IFIH1: variants seen among roughly 807,000 people sequenced by gnomAD.
IFIH1 encodes the protein interferon-induced helicase C domain-containing protein 1.
In IFIH1, 125 loss-of-function variants were observed where a neutral mutation model predicts 107.4. The ratio of observed to expected loss-of-function variants is 1.16; its 90% CI spans 1.01 to 1.35. The LOEUF (loss-of-function observed/expected upper bound fraction) is 1.35, where lower values mean the gene tolerates loss of function less well. Among genes scored for constraint, IFIH1 ranks in the 40% most tolerant of loss-of-function variants. The pLI, the probability that IFIH1 is intolerant of heterozygous loss-of-function variation, is 0.00. For synonymous variants in IFIH1, 458 were observed against 413.2 expected (o/e 1.11, Z -1.31); for missense variants, 1,333 against 1,213.7 (o/e 1.10, Z -1.46).
At chr2:162,286,518 G>A (rs1395942567) in intron 5 of IFIH1, among the ~76,000 whole-genome samples, 1 of 151,886 alleles carries the variant, frequency 6.6e-6, no homozygotes, top group East Asian at 1.9e-4. Flanking sequence ...GACCAGATAA[G>A]GGAAATAAAG....
chr2:162,300,333 AC>A (rs1256956182), intron 3 of IFIH1, among the ~76,000 whole-genome samples: 1 of 152,234 alleles, frequency 6.6e-6, no homozygotes, highest in Non-Finnish European at 1.5e-5. Context: ...TGCTAAAAAA[AC>A]AGCTTTATGT....
Position 162,277,587 on chromosome 2 carries a change from A to G in IFIH1, c.1872T>C (p.Thr624=), listed in dbSNP as rs762422699. Residue 624 remains threonine (T), a synonymous_variant, in exon 10 of 16, where the codon ACT becomes ACC. Transcript: ENST00000649979. The stretch of plus-strand genomic sequence containing the variant: ...CTTCATTATAGAAAGTTTCAAGATG[A>G]GTATACGCATCTATCATTCGAATTG... ...NDTIRMIDAY[T]HLETFYNEEK... The G allele has an allele frequency of 6.2e-6, 10 of 1,609,718 alleles. No homozygotes were observed. The highest frequency in any genetic ancestry group is 8.5e-6 in the Non-Finnish European group (10 of 1,176,132).
intron 1 of IFIH1, among the ~76,000 whole-genome samples, chr2:162,316,112 C>T (rs911630395): frequency 6.6e-6 from 1 of 152,122 alleles, no homozygotes; most frequent in South Asian, 2.1e-4. Flanking sequence ...ATCTAGCTGG[C>T]GGAAATTCAA....
At chr2:162,291,501 A>C (rs993778474) in intron 4 of IFIH1, among the ~76,000 whole-genome samples, 5 of 151,810 alleles carry the variant, frequency 3.3e-5, no homozygotes, top group Admixed American at 2.6e-4. Context: ...GAAACAGAAA[A>C]AAAAAAGCCT....
chr2:162,300,354 T>C (rs544455038), intron 3 of IFIH1, among the ~76,000 whole-genome samples: 1 of 152,280 alleles, frequency 6.6e-6, no homozygotes, highest in Non-Finnish European at 1.5e-5. Flanking sequence ...TTTGTAGTCA[T>C]AAACAGATAT....
chr2:162,301,256 T>C (rs566688860), intron 3 of IFIH1, among the ~76,000 whole-genome samples: 4 of 152,152 alleles, frequency 2.6e-5, no homozygotes, highest in Non-Finnish European at 5.9e-5. Flanking sequence ...AATCAAAATA[T>C]ACACATGCAA....
At chr2:162,276,092 T>G (rs1691148331) in intron 11 of IFIH1, among the ~76,000 whole-genome samples, 1 of 152,204 alleles carries the variant, frequency 6.6e-6, no homozygotes, top group Non-Finnish European at 1.5e-5. Flanking sequence ...GTCACTTATT[T>G]TTGCAAGGGA....
In IFIH1 at chr2:162,318,170, A is replaced by C; in HGVS notation, c.138T>G (p.Ile46Met). The C allele has an allele frequency of 1.9e-6, 3 of 1,614,190 alleles. No individual in the cohort carries two copies. Among genetic ancestry groups the C allele is most frequent in the Non-Finnish European group, 2.5e-6 (3 of 1,180,044 alleles). ...TFLPAEVKEQIQRTVATSGNM... is the reference protein window; with the variant it reads ...TFLPAEVKEQMQRTVATSGNM... ...TCCCGGAGGTGGCGACTGTCCTCTGAATCTGCTCCTTCACCTCTGCAGGCA... is the reference window on the plus strand; with the variant it reads ...TCCCGGAGGTGGCGACTGTCCTCTGCATCTGCTCCTTCACCTCTGCAGGCA... Residue 46 changes from isoleucine (I) to methionine (M), a missense_variant, in exon 1 of 16, where the codon ATT becomes ATG. Physicochemically the swap from Ile to Met is conservative, Grantham distance 10. Transcript: ENST00000649979.
intron 2 of IFIH1, among the ~76,000 whole-genome samples, chr2:162,307,599 A>G (rs531679787): frequency 1.3e-5 from 2 of 152,240 alleles, no homozygotes; most frequent in East Asian, 1.9e-4. Flanking sequence ...TAAAAAGAAA[A>G]TCAAGAGTTT....
At chr2:162,299,791 T>G (rs1683160334) in intron 3 of IFIH1, among the ~76,000 whole-genome samples, 1 of 152,192 alleles carries the variant, frequency 6.6e-6, no homozygotes, top group Non-Finnish European at 1.5e-5. Flanking sequence ...ACTCGTTAAC[T>G]TTCACTGATC....
Position 162,267,546 on chromosome 2 carries a change from T to A in IFIH1, c.2831A>T (p.Asn944Ile), listed in dbSNP as rs1322389017. 1.2e-5 allele frequency: 19 copies of A among 1,612,074 alleles called. No homozygotes were observed. The highest frequency in any genetic ancestry group is 2.2e-5 in the East Asian group (1 of 44,890). Residue 944 changes from asparagine (N) to isoleucine (I), a missense_variant, in exon 15 of 16, where the codon AAC becomes ATC. By Grantham distance (149) the Asn-to-Ile change is moderately radical. Coordinates refer to ENST00000649979, the MANE Select transcript of IFIH1 (RefSeq NM_022168.4). ...EFKELYIVRE[N>I]KALQKKCADY... ...GGCACACTTCTTTTGCAGTGCTTTG[T>A]TTTCTCTTACAATGTAAAGTTCCCT...
intron 13 of IFIH1, among the ~76,000 whole-genome samples, chr2:162,271,624 C>A (rs886909524): frequency 6.6e-6 from 1 of 152,112 alleles, no homozygotes; most frequent in Non-Finnish European, 1.5e-5. Flanking sequence ...AAAAGAATTT[C>A]AAAAACTACT....
At chr2:162,267,616 A>G in intron 14 of IFIH1, 47 bp from the exon 15 acceptor site, 1 of 1,349,428 alleles carries the variant, frequency 7.4e-7, no homozygotes, top group Non-Finnish European at 1.1e-6. Context: ...CTGACAAAAT[A>G]CCAGTGTGTA....
At chr2:162,299,224 C>T (rs1231912453) in intron 3 of IFIH1, among the ~76,000 whole-genome samples, 2 of 152,094 alleles carry the variant, frequency 1.3e-5, no homozygotes, top group African/African-American at 4.8e-5. Context: ...GCAAAAAGTC[C>T]TAGAGTAGAG....
intron 4 of IFIH1, among the ~76,000 whole-genome samples, chr2:162,292,555 G>A (rs1381926201): frequency 2.0e-5 from 3 of 151,752 alleles, no homozygotes; most frequent in African/African-American, 7.2e-5. Context: ...AAACTATTTT[G>A]CCACCTTAGG....
intron 1 of IFIH1, among the ~76,000 whole-genome samples, chr2:162,316,562 C>G (rs1294226019): frequency 6.6e-6 from 1 of 152,062 alleles, no homozygotes; most frequent in African/African-American, 2.4e-5. Context: ...ACTTTATTCA[C>G]TAAAGACTAA....
At position 162,306,740 on chromosome 2, in the gene IFIH1, T is replaced by C. The variant is rs760304986; in HGVS notation, c.738A>G (p.Glu246=). The change falls in exon 3 of 16, where the codon GAA becomes GAG. Residue 246 remains glutamate, a synonymous_variant. Coordinates refer to ENST00000649979, the MANE Select transcript of IFIH1 (RefSeq NM_022168.4). ...CTACAGAAGAATCTGCAAAAGATGA[T>C]TCTGATGAGTTATTCTCCATGCCCC... ...EVWGMENNSS[E]SSFADSSVVS... is the part of the protein sequence containing the mutation. The C allele has an allele frequency of 2.9e-5, 47 of 1,613,930 alleles. No individual in the cohort carries two copies. Among genetic ancestry groups the C allele is most frequent in the Non-Finnish European group, 4.0e-5 (47 of 1,179,870 alleles).
chr2:162,284,430 T>C (rs971396181), intron 5 of IFIH1, among the ~76,000 whole-genome samples: 1 of 151,988 alleles, frequency 6.6e-6, no homozygotes, highest in Non-Finnish European at 1.5e-5. Context: ...TGTTAACCTA[T>C]TATAGGGTTG....
At position 162,307,128 on chromosome 2, in the gene IFIH1, G is replaced by A. The variant is rs139969107; in HGVS notation, c.623-273C>T. 2.3e-4 allele frequency: 63 copies of A among 271,714 alleles called. 1 individual carries two copies. The highest frequency in any genetic ancestry group is 1.1e-3 in the African/African-American group (51 of 45,216). 16.8% of individuals were successfully genotyped at this position (271,714 alleles called of 1,614,324 possible). ...ATATATTTTAATATGTTGACATTTC[G>A]AAAGGCTTAGAATGTGCTTTTGTTA... On this transcript the variant is annotated intron_variant, in intron 2 of 15. Transcript: ENST00000649979.
Sources: allele counts gnomAD v4.1 joint callset (sites outside exome capture counted in the v4.1 genomes callset), GRCh38; gene constraint gnomAD v4.1.1; transcripts MANE v1.5; gene names NCBI Gene and HGNC (gene_info 2026-07-23, HGNC 2026-07-21).